Variants in ARHGAP18 observed in about 807,000 individuals in gnomAD.
The protein encoded by ARHGAP18 is Rho GTPase activating protein 18.
ARHGAP18 carries 67 observed loss-of-function variants against 86.2 expected under a neutral mutation model. The observed-to-expected ratio is 0.78, with a 90% CI of 0.64 to 0.95. The LOEUF is 0.95. Among genes scored for constraint, ARHGAP18 ranks in the 40% least tolerant of loss-of-function variants. The pLI is 0.00. For synonymous variants in ARHGAP18, 283 were observed against 280.4 expected, an observed-to-expected ratio of 1.01 and a Z score of -0.09; for missense variants, 691 against 780.4, an observed-to-expected ratio of 0.89 and a Z score of 1.37.
At chr6:129,634,788 T>A (rs1475989951) in intron 3 of ARHGAP18, among the ~76,000 whole-genome samples, 1 of 152,148 alleles carries the variant, frequency 6.6e-6, no homozygotes, top group Non-Finnish European at 1.5e-5. Context: ...AATTGTGCAC[T>A]TTAAGTGGGT....
In ARHGAP18 at chr6:129,604,960, GA is replaced by G. The variant is rs1159483891; in HGVS notation, c.1365+916del. Among the ~76,000 whole-genome samples, 3 of 151,782 alleles carry G rather than the reference GA, an allele frequency of 2.0e-5. No individual in the cohort carries two copies. In the South Asian group the frequency reaches 6.2e-4, roughly 32 times the overall value. On this transcript the variant is annotated intron_variant, in intron 10 of 14. Coordinates refer to ENST00000368149, the MANE Select transcript of ARHGAP18 (RefSeq NM_033515.3). ...TTCAAGGAGTTTTAATGAATTACAG[GA>G]AAAAAATTCCAAGATGTACCAACTA...
intron 1 of ARHGAP18, among the ~76,000 whole-genome samples, chr6:129,683,839 G>C (rs17057582): frequency 0.31 from 46,531 of 152,130 alleles, 7,399 homozygotes; most frequent in South Asian, 0.38. Flanking sequence ...GGCATACCTG[G>C]AAAGTAACGT....
At chr6:129,634,173 A>G (rs1773281605) in intron 3 of ARHGAP18, 68 bp from the exon 4 acceptor site, 1 of 1,392,996 alleles carries the variant, frequency 7.2e-7, no homozygotes, top group Non-Finnish European at 1.0e-6. Context: ...ACTGTAAATA[A>G]TTTTGTTATT....
Position 129,638,376 on chromosome 6 carries a change from T to A in ARHGAP18, c.552+18A>T. 6.2e-7 allele frequency: 1 copy of A among 1,606,304 alleles called. No individual in the cohort carries two copies. Among genetic ancestry groups the A allele is most frequent in the Non-Finnish European group, 8.5e-7 (1 of 1,174,060 alleles). ...AAGCAATTATTCCTTTGCCTTAACATCAAAAAAGAAAACCTACTGTTTCTT... is the reference window on the plus strand; with the variant it reads ...AAGCAATTATTCCTTTGCCTTAACAACAAAAAAGAAAACCTACTGTTTCTT... On this transcript the variant is annotated intron_variant, in intron 3 of 14. Transcript: ENST00000368149.
intron 1 of ARHGAP18, among the ~76,000 whole-genome samples, chr6:129,649,553 CAAAAA>C (rs35700328): frequency 6.0e-5 from 3 of 49,988 alleles, no homozygotes; most frequent in African/African-American, 1.6e-4. Flanking sequence ...TCTCTGTCTC[CAAAAA>C]AAAAAAAAAA....
chr6:129,704,487 C>T (rs1004377638), intron 1 of ARHGAP18, among the ~76,000 whole-genome samples: 1 of 152,032 alleles, frequency 6.6e-6, no homozygotes, highest in East Asian at 1.9e-4. Flanking sequence ...CTTCATGTCT[C>T]GCTCAACTTA....
intron 1 of ARHGAP18, among the ~76,000 whole-genome samples, chr6:129,693,282 A>G (rs1774558172): frequency 6.6e-6 from 1 of 152,232 alleles, no homozygotes; most frequent in Non-Finnish European, 1.5e-5. Context: ...AAGGTTAAGA[A>G]GATCTGATTC....
At chr6:129,696,491 A>C (rs2114551415) in intron 1 of ARHGAP18, among the ~76,000 whole-genome samples, 1 of 152,288 alleles carries the variant, frequency 6.6e-6, no homozygotes, top group East Asian at 1.9e-4. Flanking sequence ...TTAGCAGGGG[A>C]AAAAAAGACT....
chr6:129,666,772 T>C (rs1392384816), intron 1 of ARHGAP18, among the ~76,000 whole-genome samples: 2 of 152,236 alleles, frequency 1.3e-5, no homozygotes, highest in Non-Finnish European at 2.9e-5. Flanking sequence ...TATACAGTTG[T>C]AAATACCACA....
intron 1 of ARHGAP18, among the ~76,000 whole-genome samples, chr6:129,704,687 C>T (rs1774775460): frequency 6.6e-6 from 1 of 152,124 alleles, no homozygotes; most frequent in African/African-American, 2.4e-5. Context: ...AACCCTGGCC[C>T]AAACCACCAC....
At chr6:129,612,256 G>C (rs1436701896) in intron 7 of ARHGAP18, among the ~76,000 whole-genome samples, 1 of 152,138 alleles carries the variant, frequency 6.6e-6, no homozygotes, top group Non-Finnish European at 1.5e-5. Context: ...ACTACTGGAG[G>C]CTAAGAAGAC....
chr6:129,607,821 C>T (rs1420275802), intron 9 of ARHGAP18, 72 bp downstream of exon 9: 1 of 1,438,764 alleles, frequency 7.0e-7, no homozygotes, highest in Non-Finnish European at 9.2e-7. Context: ...CTTTGTGATG[C>T]CAAATGTCAT....
intron 1 of ARHGAP18, among the ~76,000 whole-genome samples, chr6:129,650,192 G>A (rs562147278): frequency 1.3e-5 from 2 of 151,506 alleles, no homozygotes; most frequent in South Asian, 2.1e-4. Context: ...CCAAAGTGCT[G>A]AGATCACAGG....
At chr6:129,655,546 A>G in intron 1 of ARHGAP18, among the ~76,000 whole-genome samples, 1 of 152,022 alleles carries the variant, frequency 6.6e-6, no homozygotes, top group Non-Finnish European at 1.5e-5. Context: ...CAGAAAGATC[A>G]AGGTTGTCAG....
chr6:129,658,587 G>C (rs1773888230), intron 1 of ARHGAP18, among the ~76,000 whole-genome samples: 2 of 152,146 alleles, frequency 1.3e-5, no homozygotes, highest in South Asian at 4.1e-4. Context: ...CAAATCTTAC[G>C]CTAAAATTTT....
intron 1 of ARHGAP18, among the ~76,000 whole-genome samples, chr6:129,676,378 G>A (rs932574241): frequency 5.9e-5 from 9 of 152,106 alleles, no homozygotes; most frequent in African/African-American, 2.2e-4. Flanking sequence ...ACATCACAGG[G>A]TCAGTCTATT....
At chr6:129,639,615 A>G (rs1225230939) in intron 2 of ARHGAP18, among the ~76,000 whole-genome samples, 1 of 152,182 alleles carries the variant, frequency 6.6e-6, no homozygotes, top group Non-Finnish European at 1.5e-5. Flanking sequence ...ACCTAGTCCT[A>G]CCTGTCTGTC....
intron 1 of ARHGAP18, among the ~76,000 whole-genome samples, chr6:129,659,855 C>T (rs1187082210): frequency 1.3e-5 from 2 of 152,142 alleles, no homozygotes; most frequent in Non-Finnish European, 1.5e-5. Flanking sequence ...GTGAAGGGAT[C>T]CGTTGAAGGC....
chr6:129,683,825 T>C (rs1435680063), intron 1 of ARHGAP18, among the ~76,000 whole-genome samples: 1 of 151,092 alleles, frequency 6.6e-6, no homozygotes, highest in African/African-American at 2.5e-5. Context: ...CATAAAATGA[T>C]GTGGGCATAC....
Sources: gnomAD v4.1 joint callset for allele counts (sites outside exome capture counted in the v4.1 genomes callset) on GRCh38, gnomAD v4.1.1 for gene constraint, MANE v1.5 for transcripts, NCBI Gene and HGNC (gene_info 2026-07-23, HGNC 2026-07-21) for gene names.